ADARB1: variants seen among roughly 807,000 people sequenced by gnomAD.
ADARB1 encodes adenosine deaminase RNA specific B1.
Under a neutral mutation model 52.4 loss-of-function variants are expected in ADARB1, and 10 were observed. That is an observed-to-expected ratio of 0.19 (90% confidence interval 0.12 to 0.32). ADARB1 has a LOEUF of 0.32. Ranked by LOEUF, ADARB1 falls within the 10% of genes least tolerant of loss-of-function variation. The probability of loss-of-function intolerance (pLI) is 1.00; values close to 1 mark genes in which losing one functional copy is unlikely to be tolerated. For synonymous variants in ADARB1, 349 were observed against 371.1 expected, an observed-to-expected ratio of 0.94 and a Z score of 0.68; for missense variants, 643 against 922.3, an observed-to-expected ratio of 0.70 and a Z score of 3.92.
intron 1 of ADARB1, among the ~76,000 whole-genome samples, chr21:45,105,079 GTTGTT>G (rs147012547): frequency 0.95 from 142,366 of 150,160 alleles, 67,529 homozygotes; most frequent in East Asian, 0.99. Flanking sequence ...TTGCTGCTTC[GTTGTT>G]TTGTTTTGTT....
At position 45,220,319 on chromosome 21, in the gene ADARB1, A is replaced by T. The variant is rs949641291; in HGVS notation, c.1748-517A>T. Among the ~76,000 whole-genome samples, 3 of 152,174 alleles carry T rather than the reference A, an allele frequency of 2.0e-5. No individual in the cohort carries two copies. Among genetic ancestry groups the T allele is most frequent in the Admixed American group, 6.5e-5 (1 of 15,288 alleles). On this transcript the variant is annotated intron_variant, in intron 9 of 10. Coordinates refer to ENST00000348831, the MANE Select transcript of ADARB1 (RefSeq NM_001112.4). This position sits in a 1 kb window ranked among gnomAD's most constrained non-coding sequence, Gnocchi z 6.3. ...TCCTATTGCATCATGGATGTCACACATGCAAAGCCACGTGACCTGAACATG... is the reference window on the plus strand; with the variant it reads ...TCCTATTGCATCATGGATGTCACACTTGCAAAGCCACGTGACCTGAACATG...
intron 2 of ADARB1, chr21:45,133,471 CTCAG>C (rs1052642025): frequency 3.2e-5 from 5 of 154,390 alleles, no homozygotes; most frequent in African/African-American, 1.2e-4. Context: ...TTTTGATGAA[CTCAG>C]TCAGCTGATG....
intron 2 of ADARB1, among the ~76,000 whole-genome samples, chr21:45,154,316 T>C (rs1213597101): frequency 1.3e-5 from 2 of 152,248 alleles, no homozygotes; most frequent in Non-Finnish European, 2.9e-5. Context: ...TCATGTTATG[T>C]GTTAGTTCTC....
chr21:45,124,814 T>TGTGA (rs2088475872), intron 1 of ADARB1, among the ~76,000 whole-genome samples: 1 of 151,222 alleles, frequency 6.6e-6, no homozygotes, highest in Non-Finnish European at 1.5e-5. Context: ...TGTGTGTGTG[T>TGTGA]GTGACAGGGT....
chr21:45,163,883 T>C (rs1248510564), intron 2 of ADARB1, among the ~76,000 whole-genome samples: 1 of 152,192 alleles, frequency 6.6e-6, no homozygotes, highest in East Asian at 1.9e-4. Context: ...TTGGCCCTGC[T>C]CCTGTAGACT....
At chr21:45,183,545 C>T (rs2091998125) in intron 7 of ADARB1, 35 bp downstream of exon 7, 1 of 1,606,720 alleles carries the variant, frequency 6.2e-7, no homozygotes, top group African/African-American at 1.3e-5. Flanking sequence ...GCCAGTTTCT[C>T]AAGAAAATGT....
intron 1 of ADARB1, among the ~76,000 whole-genome samples, chr21:45,087,448 A>G (rs999954324): frequency 3.3e-5 from 5 of 152,324 alleles, no homozygotes; most frequent in Non-Finnish European, 5.9e-5. Flanking sequence ...GGATGCAGGA[A>G]GACACACGCT....
At position 45,164,561 on chromosome 21, in the gene ADARB1, C is replaced by T. The variant is rs956038844; in HGVS notation, c.-47-7049C>T. Among the ~76,000 whole-genome samples the T allele has an allele frequency of 2.6e-5, 4 of 151,618 alleles. 1 individual carries two copies. Among genetic ancestry groups the T allele is most frequent in the African/African-American group, 9.7e-5 (4 of 41,232 alleles). The stretch of plus-strand genomic sequence containing the variant: ...GCGGGGCGGTGGGGTGGGTTGGTGC[C>T]GTGTGAGCTGGGACTTGAGCAGTAA... On this transcript the variant is annotated intron_variant, in intron 2 of 10. Coordinates refer to ENST00000348831, the MANE Select transcript of ADARB1 (RefSeq NM_001112.4).
intron 9 of ADARB1, among the ~76,000 whole-genome samples, chr21:45,218,749 G>A (rs774778132): frequency 3.3e-5 from 5 of 152,296 alleles, no homozygotes; most frequent in African/African-American, 7.2e-5. Context: ...GCATGGTGAC[G>A]GGGTGGGGGT....
intron 1 of ADARB1, among the ~76,000 whole-genome samples, chr21:45,075,670 A>G (rs2085902677): frequency 6.6e-6 from 1 of 152,140 alleles, no homozygotes; most frequent in Admixed American, 6.5e-5. Flanking sequence ...TGGGCTGTGG[A>G]CGCTGAAACG....
chr21:45,126,287 G>A (rs1569037290), intron 1 of ADARB1, among the ~76,000 whole-genome samples: 1 of 152,162 alleles, frequency 6.6e-6, no homozygotes, highest in Non-Finnish European at 1.5e-5. Context: ...GATGTGTGAT[G>A]CACTGTTAGG....
At chr21:45,130,187 A>T (rs1336259654) in intron 2 of ADARB1, among the ~76,000 whole-genome samples, 1 of 152,208 alleles carries the variant, frequency 6.6e-6, no homozygotes, top group East Asian at 1.9e-4. Context: ...TTAAGTGTCG[A>T]TTTGTGACTA....
At chr21:45,075,495 T>C (rs1368895792) in intron 1 of ADARB1, among the ~76,000 whole-genome samples, 1 of 151,898 alleles carries the variant, frequency 6.6e-6, no homozygotes, top group Non-Finnish European at 1.5e-5. Flanking sequence ...CGCGGGATGC[T>C]CTGCGCCGCG....
At chr21:45,182,777 A>G (rs574998220) in intron 6 of ADARB1, 24 bp downstream of exon 6, 2 of 1,541,116 alleles carry the variant, frequency 1.3e-6, no homozygotes, top group South Asian at 2.5e-5. Flanking sequence ...ACAAATAAGG[A>G]CAGGAAGCTC....
At chr21:45,106,279 G>A (rs1281989190) in intron 1 of ADARB1, among the ~76,000 whole-genome samples, 2 of 151,300 alleles carry the variant, frequency 1.3e-5, no homozygotes, top group Admixed American at 6.6e-5. Flanking sequence ...AAAGCCCTCT[G>A]TGTTCAGCGT....
intron 1 of ADARB1, among the ~76,000 whole-genome samples, chr21:45,117,505 T>G (rs987893733): frequency 6.6e-6 from 1 of 152,144 alleles, no homozygotes; most frequent in African/African-American, 2.4e-5. Context: ...CGTCACATCC[T>G]GCATGTCAGT....
chr21:45,220,508 T>A lies in ADARB1; in HGVS notation c.1748-328T>A, dbSNP rs1156555967. ...CTGCCAAGGTTCCTGGCTCCGTCAG[T>A]GCCAGAGTGAGAAAAGACACACTTG... On this transcript the variant is annotated intron_variant, in intron 9 of 10. Transcript: ENST00000348831. The surrounding 1 kb of genome is among the most constrained non-coding windows in gnomAD (Gnocchi z 6.3). Among the ~76,000 whole-genome samples the A allele has an allele frequency of 6.6e-6, 1 of 152,174 alleles. No homozygotes were observed. The highest frequency in any genetic ancestry group is 2.1e-4 in the South Asian group (1 of 4,824).
intron 2 of ADARB1, among the ~76,000 whole-genome samples, chr21:45,155,400 C>CT (rs1287373931): frequency 2.0e-5 from 3 of 152,126 alleles, no homozygotes; most frequent in African/African-American, 7.2e-5. Flanking sequence ...CCAGCCATGA[C>CT]TCTCACCTTA....
chr21:45,120,284 C>T (rs774106507), intron 1 of ADARB1, among the ~76,000 whole-genome samples: 4 of 152,190 alleles, frequency 2.6e-5, no homozygotes, highest in African/African-American at 9.7e-5. Context: ...TGTTGGCACA[C>T]TTGTGGGGTA....
Sources: gnomAD v4.1 joint callset for allele counts (sites outside exome capture counted in the v4.1 genomes callset) on GRCh38, gnomAD v4.1.1 for gene constraint, Gnocchi (gnomAD v3.1) non-coding constraint, MANE v1.5 for transcripts, NCBI Gene and HGNC (gene_info 2026-07-23, HGNC 2026-07-21) for gene names.